PTPRE: variants seen among roughly 807,000 people sequenced by gnomAD.
The protein encoded by PTPRE is receptor-type tyrosine-protein phosphatase epsilon.
In PTPRE, 51 loss-of-function variants were observed where a neutral mutation model predicts 102.0. The ratio of observed to expected loss-of-function variants is 0.50; its 90% CI spans 0.40 to 0.63. The LOEUF is 0.63. PTPRE is among the 30% of genes least tolerant of loss of function. The pLI is 0.00. For synonymous variants in PTPRE, 345 were observed against 348.2 expected, an observed-to-expected ratio of 0.99 and a Z score of 0.10; for missense variants, 752 against 915.1, an observed-to-expected ratio of 0.82 and a Z score of 2.30.
chr10:127,968,009 GGT>G (rs142445895), intron 1 of PTPRE, among the ~76,000 whole-genome samples: 5,547 of 142,988 alleles, frequency 0.039, 148 homozygotes, highest in Admixed American at 0.086. Flanking sequence ...TTGCTCTATA[GGT>G]GTGTGTGTGT....
intron 11 of PTPRE, among the ~76,000 whole-genome samples, chr10:128,066,927 C>T (rs967238809): frequency 6.6e-6 from 1 of 151,360 alleles, no homozygotes; most frequent in Admixed American, 6.6e-5. Flanking sequence ...CACACAGGCA[C>T]ACACATGCAC....
intron 6 of PTPRE, among the ~76,000 whole-genome samples, chr10:128,049,902 A>G (rs1035870355): frequency 1.3e-5 from 2 of 152,116 alleles, no homozygotes; most frequent in African/African-American, 4.8e-5. Context: ...GCCTCCTTAC[A>G]CCTCCCCACT....
intron 1 of PTPRE, among the ~76,000 whole-genome samples, chr10:127,918,431 C>T (rs1281578509): frequency 1.3e-5 from 2 of 151,816 alleles, no homozygotes; most frequent in Admixed American, 6.6e-5. Context: ...TGGTGGTGGG[C>T]GCCTGTAGTC....
chr10:127,959,355 C>T (rs1159701592), intron 1 of PTPRE, among the ~76,000 whole-genome samples: 2 of 152,238 alleles, frequency 1.3e-5, no homozygotes, highest in Non-Finnish European at 2.9e-5. Flanking sequence ...TGGTAATTCA[C>T]TCAATAGCCT....
At chr10:127,926,692 C>G (rs138489993) in intron 1 of PTPRE, among the ~76,000 whole-genome samples, 1 of 151,496 alleles carries the variant, frequency 6.6e-6, no homozygotes, top group Non-Finnish European at 1.5e-5. Flanking sequence ...GGAAAGGAGA[C>G]GCCTAGCAGG....
intron 2 of PTPRE, among the ~76,000 whole-genome samples, chr10:128,000,260 G>C (rs1034339975): frequency 1.4e-4 from 21 of 152,166 alleles, no homozygotes; most frequent in South Asian, 2.1e-4. Flanking sequence ...TAACGTATAA[G>C]TAATCCCTCT....
At chr10:127,986,035 G>A (rs768284454) in intron 2 of PTPRE, among the ~76,000 whole-genome samples, 5 of 152,054 alleles carry the variant, frequency 3.3e-5, no homozygotes, top group African/African-American at 9.7e-5. Context: ...AGGTTGCAGC[G>A]AGCCAAGATC....
At position 128,050,354 on chromosome 10, in the gene PTPRE, T is replaced by TGGATGGAC. The variant is rs148051817; in HGVS notation, c.420+695_420+696insCGGATGGA. On this transcript the variant is annotated intron_variant, in intron 6 of 20. Transcript: ENST00000254667. ...GCGGATGGATGGATGGATGGATGGA[T>TGGATGGAC]GGATGGATGGATGGATGGATGGAGT... Among the ~76,000 whole-genome samples, 60 of 134,770 alleles carry TGGATGGAC rather than the reference T, an allele frequency of 4.5e-4. 1 individual carries two copies. Among genetic ancestry groups the TGGATGGAC allele is most frequent in the South Asian group, 1.2e-3 (5 of 4,196 alleles). 88.4% of individuals were successfully genotyped at this position (134,770 alleles called of 152,430 possible). A position where few individuals can be genotyped will look rare whatever the true frequency, so the allele number is the denominator to read the frequency against.
intron 2 of PTPRE, chr10:127,999,744 G>C: frequency 2.0e-6 from 2 of 985,356 alleles, no homozygotes; most frequent in Non-Finnish European, 2.4e-6. Context: ...TCTCCCTGCT[G>C]GATCTTTGCT....
At chr10:127,960,328 G>A (rs1283438067) in intron 1 of PTPRE, among the ~76,000 whole-genome samples, 2 of 152,216 alleles carry the variant, frequency 1.3e-5, no homozygotes, top group Non-Finnish European at 2.9e-5. Flanking sequence ...CAGAGAGAGA[G>A]TTCAAGAAAA....
intron 2 of PTPRE, among the ~76,000 whole-genome samples, chr10:128,031,909 C>G (rs530996168): frequency 6.6e-6 from 1 of 152,274 alleles, no homozygotes; most frequent in Admixed American, 6.5e-5. Flanking sequence ...CTCCAGGGGG[C>G]CGTATTTCCC....
chr10:128,017,879 G>A (rs1189278311), intron 2 of PTPRE, among the ~76,000 whole-genome samples: 1 of 152,204 alleles, frequency 6.6e-6, no homozygotes, highest in Admixed American at 6.5e-5. Context: ...CATCCACTGG[G>A]CGTCCTTCCA....
intron 1 of PTPRE, among the ~76,000 whole-genome samples, chr10:127,980,483 T>C (rs1589892297): frequency 6.6e-6 from 1 of 152,322 alleles, no homozygotes; most frequent in South Asian, 2.1e-4. Context: ...TTCTTTTCAA[T>C]GCTTATGTCT....
intron 1 of PTPRE, among the ~76,000 whole-genome samples, chr10:127,930,650 C>T (rs918541278): frequency 6.6e-6 from 1 of 152,190 alleles, no homozygotes. Context: ...GGATTGCTGG[C>T]TCACATGTTA....
chr10:128,018,604 A>G (rs1392911330), intron 2 of PTPRE, among the ~76,000 whole-genome samples: 1 of 152,000 alleles, frequency 6.6e-6, no homozygotes, highest in Non-Finnish European at 1.5e-5. Context: ...GCTGAGAGAA[A>G]CTCGGAGGGA....
intron 1 of PTPRE, among the ~76,000 whole-genome samples, chr10:127,979,977 C>T (rs986768701): frequency 6.6e-6 from 1 of 152,304 alleles, no homozygotes; most frequent in East Asian, 1.9e-4. Context: ...CTGGCTTCTT[C>T]CCTTGCTTGG....
Position 128,005,299 on chromosome 10 carries a change from T to C in PTPRE, c.-8+23003T>C, listed in dbSNP as rs1002134642. ...TTGCATCATAAAGGGAAAGACTCCT[T>C]CCTCTCTTCGTTCTCTTCCACCCTT... On this transcript the variant is annotated intron_variant, in intron 2 of 20. Transcript: ENST00000254667. Among the ~76,000 whole-genome samples the C allele has an allele frequency of 3.5e-4, 53 of 152,204 alleles. 1 individual carries two copies. The highest frequency in any genetic ancestry group is 4.8e-5 in the African/African-American group (2 of 41,458).
In PTPRE at chr10:127,907,381, C is replaced by T. The variant is rs1589700236; in HGVS notation, c.-31+72C>T. ...TGCACCCCGGGAGGCCCAAGCAGGC[C>T]GGGGCGCTGCCTCGGCCGCTGCCGC... On this transcript the variant is annotated intron_variant, in intron 1 of 20. Coordinates refer to ENST00000254667, the MANE Select transcript of PTPRE (RefSeq NM_006504.6). The surrounding 1 kb of genome is among the most constrained non-coding windows in gnomAD (Gnocchi z 4.8). The T allele has an allele frequency of 2.1e-6, 2 of 972,210 alleles. No homozygotes were observed. The highest frequency in any genetic ancestry group is 2.4e-6 in the Non-Finnish European group (2 of 818,548). 60.2% of individuals were successfully genotyped at this position (972,210 alleles called of 1,614,324 possible).
intron 1 of PTPRE, chr10:127,964,890 C>T (rs1021401298): frequency 1.7e-5 from 7 of 409,432 alleles, no homozygotes; most frequent in Middle Eastern, 3.4e-4. Flanking sequence ...CTCCTGGTGT[C>T]GGCGTTCTGC....
Sources: allele counts gnomAD v4.1 joint callset (sites outside exome capture counted in the v4.1 genomes callset), GRCh38; gene constraint gnomAD v4.1.1; non-coding constraint Gnocchi (gnomAD v3.1); transcripts MANE v1.5; gene names NCBI Gene and HGNC (gene_info 2026-07-23, HGNC 2026-07-21).